SLC24A3: variants seen among roughly 807,000 people sequenced by gnomAD.
The protein encoded by SLC24A3 is sodium/potassium/calcium exchanger 3.
Under a neutral mutation model 75.8 loss-of-function variants are expected in SLC24A3, and 28 were observed. The ratio of observed to expected loss-of-function variants is 0.37; its 90% CI spans 0.27 to 0.51. The LOEUF is 0.51. SLC24A3 is among the 20% of genes least tolerant of loss of function. SLC24A3 has a pLI of 0.94. For missense variants in SLC24A3, 663 were observed against 847.8 expected, an observed-to-expected ratio of 0.78 and a Z score of 2.71; for synonymous variants, 372 against 334.1, an observed-to-expected ratio of 1.11 and a Z score of -1.24.
At chr20:19,405,398 G>GA (rs1407703419) in intron 2 of SLC24A3, among the ~76,000 whole-genome samples, 2 of 152,112 alleles carry the variant, frequency 1.3e-5, no homozygotes, top group African/African-American at 2.4e-5. Context: ...TTACTGTTAG[G>GA]AAAAAAGATT....
chr20:19,377,115 A>G (rs554651369), intron 2 of SLC24A3, among the ~76,000 whole-genome samples: 33 of 152,180 alleles, frequency 2.2e-4, no homozygotes, highest in African/African-American at 7.7e-4. Flanking sequence ...GAGTGTGTAC[A>G]TTTCCCCCAT....
intron 2 of SLC24A3, among the ~76,000 whole-genome samples, chr20:19,510,514 T>C (rs946570039): frequency 2.0e-5 from 3 of 152,238 alleles, no homozygotes; most frequent in Non-Finnish European, 1.5e-5. Flanking sequence ...AACTGAATGT[T>C]TGTTCCCACT....
intron 2 of SLC24A3, among the ~76,000 whole-genome samples, chr20:19,328,775 A>G (rs551386878): frequency 6.6e-6 from 1 of 152,264 alleles, no homozygotes; most frequent in Non-Finnish European, 1.5e-5. Flanking sequence ...TTCAGGCTGC[A>G]GGTCAAGGCT....
chr20:19,454,718 C>T (rs544621310), intron 2 of SLC24A3, among the ~76,000 whole-genome samples: 104 of 152,180 alleles, frequency 6.8e-4, no homozygotes, highest in African/African-American at 2.3e-3. Flanking sequence ...AATGAAGAAC[C>T]GGGATTTTAG....
At chr20:19,504,604 T>C (rs1220937171) in intron 2 of SLC24A3, among the ~76,000 whole-genome samples, 4 of 152,206 alleles carry the variant, frequency 2.6e-5, no homozygotes, top group Non-Finnish European at 5.9e-5. Flanking sequence ...TGGGTTCCTG[T>C]GTACATCAGC....
At chr20:19,421,686 C>T (rs138278484) in intron 2 of SLC24A3, among the ~76,000 whole-genome samples, 56 of 152,222 alleles carry the variant, frequency 3.7e-4, no homozygotes, top group African/African-American at 1.3e-3. Flanking sequence ...GTGAGAAAAA[C>T]GGGATTTACT....
chr20:19,599,607 G>A (rs2031499406), intron 6 of SLC24A3, among the ~76,000 whole-genome samples: 1 of 152,234 alleles, frequency 6.6e-6, no homozygotes, highest in Non-Finnish European at 1.5e-5. Context: ...AACACAAGAT[G>A]CTGCCTCCTG....
At chr20:19,323,313 C>G (rs1395960521) in intron 2 of SLC24A3, among the ~76,000 whole-genome samples, 1 of 151,556 alleles carries the variant, frequency 6.6e-6, no homozygotes, top group Non-Finnish European at 1.5e-5. Flanking sequence ...TGACCTGGAG[C>G]AAAATTTATG....
intron 2 of SLC24A3, among the ~76,000 whole-genome samples, chr20:19,496,251 G>A (rs865875382): frequency 3.3e-5 from 5 of 152,142 alleles, no homozygotes; most frequent in African/African-American, 9.7e-5. Context: ...CCAGCCAGCC[G>A]GTCTCCATGC....
intron 6 of SLC24A3, among the ~76,000 whole-genome samples, chr20:19,625,015 A>G (rs2122680244): frequency 6.6e-6 from 1 of 152,264 alleles, no homozygotes; most frequent in East Asian, 1.9e-4. Flanking sequence ...TCAGGCTGGG[A>G]AGGCTGCACC....
At chr20:19,352,433 A>G (rs183493743) in intron 2 of SLC24A3, among the ~76,000 whole-genome samples, 12 of 152,326 alleles carry the variant, frequency 7.9e-5, no homozygotes, top group African/African-American at 2.9e-4. Flanking sequence ...GACAAAGGAA[A>G]CTAACATTAT....
chr20:19,585,539 G>A lies in SLC24A3; in HGVS notation c.607G>A (p.Gly203Arg). 6.2e-7 allele frequency: 1 copy of A among 1,613,878 alleles called. No individual in the cohort carries two copies. The highest frequency in any genetic ancestry group is 8.5e-7 in the Non-Finnish European group (1 of 1,179,914). ...CIIGVCGLFA[G>R]QVVALSSWCL... ...CATTGGTGTCTGTGGGCTCTTTGCT[G>A]GGCAGGTAAGACTGGCGGCTTCTTT... The change falls in exon 6 of 17, where the codon GGG (glycine) becomes AGG (arginine). Residue 203 changes from glycine to arginine, a missense_variant. Physicochemically the swap from Gly to Arg is moderately radical, Grantham distance 125. Transcript: ENST00000328041.
rs373421591 is a variant in SLC24A3, at chr20:19,684,195, A to G, written c.921A>G (p.Ala307=). Residue 307 remains alanine (A), a synonymous_variant, in exon 11 of 17, where the codon GCA becomes GCG. Transcript: ENST00000328041. ...LLKKANFHRK[A]SVIMVDELLS... is the part of the protein sequence containing the mutation. ...CCCTAGCAAATTTCCACCGCAAAGC[A>G]TCAGTGATCATGGTAGACGAGCTGC... The G allele has an allele frequency of 1.2e-6, 2 of 1,613,972 alleles. No homozygotes were observed. The highest frequency in any genetic ancestry group is 8.5e-7 in the Non-Finnish European group (1 of 1,179,856).
chr20:19,570,273 G>A (rs546340112), intron 3 of SLC24A3, among the ~76,000 whole-genome samples: 34 of 152,180 alleles, frequency 2.2e-4, no homozygotes, highest in Middle Eastern at 3.4e-3. Flanking sequence ...GAATAGCATC[G>A]GAGATGTCTG....
At chr20:19,682,246 C>T (rs1355791425) in intron 10 of SLC24A3, among the ~76,000 whole-genome samples, 2 of 151,908 alleles carry the variant, frequency 1.3e-5, no homozygotes, top group Non-Finnish European at 2.9e-5. Flanking sequence ...CAGAGCCAGA[C>T]CCTATTTCAA....
intron 7 of SLC24A3, 54 bp downstream of exon 7, chr20:19,654,190 G>T: frequency 1.3e-6 from 2 of 1,540,528 alleles, no homozygotes; most frequent in African/African-American, 1.4e-5. Flanking sequence ...AGCACCAGGG[G>T]TGGTGTGAGG....
chr20:19,721,063 G>A lies in SLC24A3; in HGVS notation c.1858G>A (p.Val620Met), dbSNP rs753556235. 7.4e-6 allele frequency: 12 copies of A among 1,614,028 alleles called. No homozygotes were observed. In the South Asian group the frequency reaches 1.1e-4, roughly 15 times the overall value. ...CTGTGGGTGCCTCCTCCTGTATGGT[G>A]TGTTCCTGTGCTTCTCCATCATGAC... is the stretch of plus-strand genomic sequence containing the variant. ...LGCGCLLLYG[V>M]FLCFSIMTEF... The change falls in exon 17 of 17, where the codon GTG (valine) becomes ATG (methionine). Residue 620 changes from valine (V) to methionine (M), a missense_variant. By Grantham distance (21) the Val-to-Met change is conservative. Around this residue, in one of 2 missense-constraint regions of SLC24A3, gnomAD observed 510 missense variants for 703.6 expected, o/e 0.72. Transcript: ENST00000328041.
At chr20:19,693,215 G>GT (rs1568700440) in intron 12 of SLC24A3, 44 bp from the exon 13 acceptor site, 4 of 1,567,602 alleles carry the variant, frequency 2.6e-6, no homozygotes, top group Non-Finnish European at 2.6e-6. Flanking sequence ...GGGGTTCTTT[G>GT]TTATTTTTTT....
intron 16 of SLC24A3, among the ~76,000 whole-genome samples, chr20:19,718,651 C>T (rs1207743533): frequency 6.6e-6 from 1 of 152,126 alleles, no homozygotes; most frequent in African/African-American, 2.4e-5. Context: ...ATAGTTATAC[C>T]ATCTACAGGA....
Sources: gnomAD v4.1 joint callset for allele counts (sites outside exome capture counted in the v4.1 genomes callset) on GRCh38, gnomAD v4.1.1 for gene constraint, gnomAD v4.1.1 regional missense constraint, MANE v1.5 for transcripts, NCBI Gene and HGNC (gene_info 2026-07-23, HGNC 2026-07-21) for gene names.